The following HDAC7 variants were observed in gnomAD, a reference collection of about 807,000 sequenced individuals.
The protein encoded by HDAC7 is histone deacetylase 7A.
A neutral mutation model predicts 115.5 loss-of-function variants in HDAC7; 26 were observed. The ratio of observed to expected loss-of-function variants is 0.23; its 90% CI spans 0.16 to 0.31. The LOEUF (loss-of-function observed/expected upper bound fraction) is 0.31. Among genes scored for constraint, HDAC7 ranks in the 10% least tolerant of loss-of-function variants. The pLI is 1.00. For missense variants in HDAC7, 1,068 were observed against 1,329.0 expected (o/e 0.80, Z 3.05); for synonymous variants, 564 against 550.9 (o/e 1.02, Z -0.33).
At chr12:47,788,314 G>T in intron 19 of HDAC7, 150 bp from the exon 20 acceptor site, 2 of 935,716 alleles carry the variant, frequency 2.1e-6, no homozygotes, top group Non-Finnish European at 3.1e-6. Context: ...CGGTCGAGTG[G>T]CCCCACGTAA....
intron 1 of HDAC7, among the ~76,000 whole-genome samples, chr12:47,811,443 T>C (rs573094506): frequency 2.0e-5 from 3 of 152,126 alleles, no homozygotes; most frequent in Non-Finnish European, 4.4e-5. Context: ...AAGATGAAAA[T>C]TTACTGTAAT....
In HDAC7 at chr12:47,791,993, C is replaced by A; in HGVS notation, c.1690G>T (p.Asp564Tyr). Residue 564 changes from aspartate to tyrosine, a missense_variant, in exon 14 of 26, where the codon GAC (aspartate) becomes TAC (tyrosine). Transcript: ENST00000080059. ...CACTGGTGCTTCAGCATGACCGAGTCATAGATCAGCCCTGCAGGAGCAAGG... is the reference window on the plus strand; with the variant it reads ...CACTGGTGCTTCAGCATGACCGAGTAATAGATCAGCCCTGCAGGAGCAAGG... ...TLPFTTGLIYDSVMLKHQCSC... is the reference protein window; with the variant it reads ...TLPFTTGLIYYSVMLKHQCSC... 2 of 1,608,976 alleles carry A rather than the reference C, an allele frequency of 1.2e-6. No individual in the cohort carries two copies. Among genetic ancestry groups the A allele is most frequent in the Non-Finnish European group, 1.7e-6 (2 of 1,177,180 alleles).
chr12:47,806,541 TAGTC>T (rs903351865), intron 1 of HDAC7, among the ~76,000 whole-genome samples: 9 of 151,880 alleles, frequency 5.9e-5, no homozygotes, highest in African/African-American at 1.7e-4. Flanking sequence ...ATACAAAAAT[TAGTC>T]AGGCATGGTG....
At chr12:47,815,925 G>C (rs1944836212) in intron 1 of HDAC7, among the ~76,000 whole-genome samples, 1 of 117,198 alleles carries the variant, frequency 8.5e-6, no homozygotes, top group African/African-American at 3.3e-5. Flanking sequence ...ACAGAGTCTT[G>C]CTGTCACCCA....
chr12:47,794,760 C>A lies in HDAC7; in HGVS notation c.1458G>T (p.Gln486His). ...GAGGGGCAGGTGGGGACTGCCATAC[C>A]TGAGGGTGCTGCTGGAGAGGAGCGG... ...RGPAPLQQHP[Q>H]VLLWEQQRLA... Residue 486 changes from glutamine (Q) to histidine (H), a missense_variant and splice_region_variant, in exon 12 of 26, where the codon CAG becomes CAT. Around this residue, in one of 6 missense-constraint regions of HDAC7, gnomAD observed 618 missense variants for 701.5 expected, o/e 0.88. Transcript: ENST00000080059. The A allele has an allele frequency of 6.3e-7, 1 of 1,593,788 alleles. No homozygotes were observed.
chr12:47,802,577 C>T, intron 1 of HDAC7: 1 of 1,099,374 alleles, frequency 9.1e-7, no homozygotes, highest in South Asian at 1.4e-5. Flanking sequence ...TGCCCTCAGC[C>T]CTCCCTCCTG....
At chr12:47,813,830 G>A (rs1426108635) in intron 1 of HDAC7, among the ~76,000 whole-genome samples, 2 of 152,170 alleles carry the variant, frequency 1.3e-5, no homozygotes, top group South Asian at 2.1e-4. Flanking sequence ...CCTGGAGTCA[G>A]GGCTCCTTTG....
chr12:47,785,534 C>T (rs775039847), intron 23 of HDAC7, 63 bp from the exon 24 acceptor site: 1 of 1,489,996 alleles, frequency 6.7e-7, no homozygotes, highest in East Asian at 2.3e-5. Flanking sequence ...CTCACTCCCA[C>T]CCCAGGGGCC....
intron 2 of HDAC7, among the ~76,000 whole-genome samples, chr12:47,799,585 C>T (rs1361076980): frequency 2.0e-5 from 3 of 152,228 alleles, no homozygotes; most frequent in African/African-American, 7.2e-5. Context: ...ACCCTGTGCC[C>T]AGGGCAGGTT....
intron 2 of HDAC7, among the ~76,000 whole-genome samples, chr12:47,799,561 G>A (rs899695741): frequency 2.6e-5 from 4 of 152,204 alleles, no homozygotes; most frequent in Non-Finnish European, 5.9e-5. Flanking sequence ...GACCGGCCAC[G>A]TTGGGCCTGC....
chr12:47,805,087 T>C (rs1944339911), intron 1 of HDAC7, among the ~76,000 whole-genome samples: 2 of 151,752 alleles, frequency 1.3e-5, no homozygotes, highest in Non-Finnish European at 2.9e-5. Flanking sequence ...TTTTTTTTTT[T>C]TGAGGTACGG....
At chr12:47,811,084 GA>G (rs1340826767) in intron 1 of HDAC7, among the ~76,000 whole-genome samples, 7 of 152,122 alleles carry the variant, frequency 4.6e-5, no homozygotes, top group Non-Finnish European at 1.0e-4. Context: ...TCTCGGATGT[GA>G]ATAGCCACAA....
At chr12:47,791,186 G>T in intron 16 of HDAC7, 73 bp downstream of exon 16, 1 of 1,373,606 alleles carries the variant, frequency 7.3e-7, no homozygotes, top group Non-Finnish European at 1.0e-6. Flanking sequence ...GCAGGGGCTG[G>T]GCCTGGGAGA....
At chr12:47,789,224 G>C in intron 19 of HDAC7, 37 bp downstream of exon 19, 4 of 1,490,938 alleles carry the variant, frequency 2.7e-6, no homozygotes, top group Middle Eastern at 1.7e-4. Flanking sequence ...TTCCCCCAGG[G>C]CTCTCGAATT....
chr12:47,788,362 G>A, intron 19 of HDAC7, 198 bp from the exon 20 acceptor site: 2 of 498,274 alleles, frequency 4.0e-6, no homozygotes, highest in South Asian at 3.8e-5. Context: ...TCTCTGTGCT[G>A]GACAGGGCTG....
chr12:47,796,120 C>T, intron 8 of HDAC7, 87 bp downstream of exon 8: 2 of 1,515,012 alleles, frequency 1.3e-6, no homozygotes, highest in Non-Finnish European at 1.8e-6. Context: ...CCAGACCCTG[C>T]AGCCCCAGCC....
chr12:47,790,585 C>T (rs1412464812), intron 16 of HDAC7: 1 of 156,694 alleles, frequency 6.4e-6, no homozygotes, highest in African/African-American at 2.4e-5. Flanking sequence ...AGGGCACTGA[C>T]TGGCTCCCAA....
In HDAC7 at chr12:47,788,048, A is replaced by G; in HGVS notation, c.2352T>C (p.Asp784=). The G allele has an allele frequency of 6.2e-6, 10 of 1,609,834 alleles. No homozygotes were observed. The highest frequency in any genetic ancestry group is 8.5e-6 in the Non-Finnish European group (10 of 1,177,400). The part of the protein sequence containing the change: ...GNFFPGSGAV[D]EVGAGSGEGF... ...TGTGGCCCTGACATGCGGTTACCTC[A>G]TCCACAGCCCCACTCCCCGGGAAGA... Residue 784 remains aspartate (D), a synonymous_variant, in exon 20 of 26, where the codon GAT becomes GAC. Transcript: ENST00000080059.
At chr12:47,811,292 A>G (rs1244897665) in intron 1 of HDAC7, among the ~76,000 whole-genome samples, 1 of 152,130 alleles carries the variant, frequency 6.6e-6, no homozygotes, top group Non-Finnish European at 1.5e-5. Context: ...GACTTGGTTG[A>G]AGGGGTTTTT....
Sources: allele counts gnomAD v4.1 joint callset (sites outside exome capture counted in the v4.1 genomes callset), GRCh38; gene constraint gnomAD v4.1.1; regional missense constraint gnomAD v4.1.1; transcripts MANE v1.5; gene names NCBI Gene and HGNC (gene_info 2026-07-23, HGNC 2026-07-21).